The following CBY1 variants were observed in gnomAD, a reference collection of about 807,000 sequenced individuals.
The protein encoded by CBY1 is chibby 1, beta catenin antagonist.
CBY1 carries 10 observed loss-of-function variants against 15.6 expected under a neutral mutation model. The ratio of observed to expected loss-of-function variants is 0.64; its 90% CI spans 0.40 to 1.09. The LOEUF is 1.09. CBY1 is among the 50% of genes least tolerant of loss of function. CBY1 has a pLI of 0.01. For synonymous variants in CBY1, 61 were observed against 63.5 expected, an observed-to-expected ratio of 0.96 and a Z score of 0.19; for missense variants, 150 against 160.5, an observed-to-expected ratio of 0.93 and a Z score of 0.35.
In CBY1 at chr22:38,669,057, A is replaced by C. The variant is rs529370573; in HGVS notation, c.78+925A>C. On this transcript the variant is annotated intron_variant, in intron 2 of 4. Transcript: ENST00000216029. ...AGCGTAAGAGCAGCAGTGTGCTTAC[A>C]TGACGTCTGTCTCTGACCGTGACTT... Among the ~76,000 whole-genome samples, 349 of 152,302 alleles carry C rather than the reference A, an allele frequency of 2.3e-3. 1 individual carries two copies. Among genetic ancestry groups the C allele is most frequent in the African/African-American group, 7.9e-3 (329 of 41,574 alleles).
intron 1 of CBY1, among the ~76,000 whole-genome samples, chr22:38,665,896 A>G (rs8138757): frequency 0.29 from 44,729 of 151,734 alleles, 6,686 homozygotes; most frequent in East Asian, 0.36. Flanking sequence ...TTAGCTGGGC[A>G]TGGTGGCACA....
In CBY1 at chr22:38,673,368, A is replaced by G. The variant is rs746541066; in HGVS notation, c.*132A>G. The G allele has an allele frequency of 8.6e-5, 52 of 607,566 alleles. No homozygotes were observed. Among genetic ancestry groups the G allele is most frequent in the Non-Finnish European group, 1.5e-4 (49 of 327,690 alleles). 37.6% of individuals were successfully genotyped at this position (607,566 alleles called of 1,614,324 possible). A position where few individuals can be genotyped will look rare whatever the true frequency, so the allele number is the denominator to read the frequency against. On this transcript the variant is annotated 3_prime_UTR_variant, in exon 5 of 5. Transcript: ENST00000216029. ...AGGCACTGGCACCCTTGGGTTGGCA[A>G]TAGAAGGTGACATGGAATGGAGAAA...
intron 1 of CBY1, among the ~76,000 whole-genome samples, chr22:38,660,591 A>AC (rs1409348543): frequency 6.6e-6 from 1 of 151,630 alleles, no homozygotes; most frequent in African/African-American, 2.4e-5. Context: ...ATGTATATAC[A>AC]CGTATACCAT....
At chr22:38,660,339 C>T (rs1263282150) in intron 1 of CBY1, among the ~76,000 whole-genome samples, 1 of 151,826 alleles carries the variant, frequency 6.6e-6, no homozygotes, top group Non-Finnish European at 1.5e-5. Flanking sequence ...GGATTACAGG[C>T]TCATGCCACC....
intron 2 of CBY1, among the ~76,000 whole-genome samples, chr22:38,669,114 A>G (rs1330741935): frequency 6.6e-6 from 1 of 152,208 alleles, no homozygotes; most frequent in East Asian, 1.9e-4. Context: ...TGTTTTCCAC[A>G]TGCTGACAGG....
At chr22:38,669,430 A>ACTC (rs1460504850) in intron 2 of CBY1, among the ~76,000 whole-genome samples, 4 of 152,026 alleles carry the variant, frequency 2.6e-5, no homozygotes, top group African/African-American at 9.7e-5. Flanking sequence ...TGTGCCAGGC[A>ACTC]CTCTCCTAAG....
chr22:38,663,552 C>T (rs2092427566), intron 1 of CBY1, among the ~76,000 whole-genome samples: 2 of 148,468 alleles, frequency 1.3e-5, no homozygotes, highest in South Asian at 2.1e-4. Context: ...AAAAATTAGC[C>T]GGGCGTGGTG....
intron 2 of CBY1, 84 bp downstream of exon 2, chr22:38,668,216 A>G: frequency 1.2e-6 from 1 of 833,880 alleles, no homozygotes; most frequent in East Asian, 2.4e-5. Context: ...GTGGTCCTCC[A>G]GAGGCATCAG....
Position 38,670,933 on chromosome 22 carries a change from C to A in CBY1, c.128C>A (p.Pro43Gln), listed in dbSNP as rs749597763. 6.2e-7 allele frequency: 1 copy of A among 1,614,166 alleles called. No individual in the cohort carries two copies. The highest frequency in any genetic ancestry group is 8.5e-7 in the Non-Finnish European group (1 of 1,180,028). ...EVELGLEYGSPTMNLAGQSLK... is the reference protein window; with the variant it reads ...EVELGLEYGSQTMNLAGQSLK... ...GAGCTGGGCTTGGAATACGGATCCCCGACTATGAACCTGGCAGGGCAAAGC... is the reference window on the plus strand; with the variant it reads ...GAGCTGGGCTTGGAATACGGATCCCAGACTATGAACCTGGCAGGGCAAAGC... Residue 43 changes from proline (P) to glutamine (Q), a missense_variant, in exon 3 of 5, where the codon CCG becomes CAG. Coordinates refer to ENST00000216029, the MANE Select transcript of CBY1 (RefSeq NM_015373.4).
At chr22:38,666,637 A>C (rs2092437052) in intron 1 of CBY1, 1 of 152,192 alleles carries the variant, frequency 6.6e-6, no homozygotes, top group African/African-American at 2.4e-5. Flanking sequence ...ACTGGTGACA[A>C]GTGAGGAGCA....
chr22:38,668,134 T>A lies in CBY1; in HGVS notation c.78+2T>A. On this transcript the variant is annotated splice_donor_variant, in intron 2 of 4. Coordinates refer to ENST00000216029, the MANE Select transcript of CBY1 (RefSeq NM_015373.4). LOFTEE classifies it high-confidence loss of function. ...GCATCTCTCTCCAACCTGCATTCTG[T>A]GAGTGTCGGTACTGGGGTCGGCCGG... The A allele has an allele frequency of 6.3e-7, 1 of 1,579,404 alleles. No individual in the cohort carries two copies. The highest frequency in any genetic ancestry group is 8.7e-7 in the Non-Finnish European group (1 of 1,148,448).
intron 1 of CBY1, among the ~76,000 whole-genome samples, chr22:38,659,672 C>G (rs1449003730): frequency 6.6e-6 from 1 of 151,892 alleles, no homozygotes; most frequent in Non-Finnish European, 1.5e-5. Context: ...ACCATCCTGG[C>G]TAACACGGTG....
chr22:38,658,719 G>A (rs12160190), intron 1 of CBY1, among the ~76,000 whole-genome samples: 1 of 151,910 alleles, frequency 6.6e-6, no homozygotes, highest in African/African-American at 2.4e-5. Flanking sequence ...CTCGTGATCC[G>A]CCCGCCTCGG....
chr22:38,660,660 A>G (rs2092419819), intron 1 of CBY1, among the ~76,000 whole-genome samples: 1 of 151,786 alleles, frequency 6.6e-6, no homozygotes, highest in Non-Finnish European at 1.5e-5. Context: ...ACGCATATAC[A>G]CCTTCAGCCA....
chr22:38,663,697 CAAAAA>C (rs35974746), intron 1 of CBY1, among the ~76,000 whole-genome samples: 23 of 76,450 alleles, frequency 3.0e-4, no homozygotes, highest in African/African-American at 1.0e-3. Flanking sequence ...ACTCTGTCTC[CAAAAA>C]AAAAAAAAAA....
chr22:38,670,729 C>T, intron 2 of CBY1, 155 bp from the exon 3 acceptor site: 2 of 611,446 alleles, frequency 3.3e-6, no homozygotes, highest in East Asian at 2.7e-5. Context: ...TTTTCCTGTA[C>T]ATCATTTGAT....
At chr22:38,667,413 AC>A (rs930044179) in intron 1 of CBY1, among the ~76,000 whole-genome samples, 1 of 151,472 alleles carries the variant, frequency 6.6e-6, no homozygotes, top group Non-Finnish European at 1.5e-5. Context: ...GGCTCCAGCG[AC>A]CCCCCAGCCT....
intron 1 of CBY1, among the ~76,000 whole-genome samples, chr22:38,664,154 T>G (rs189089782): frequency 2.0e-5 from 3 of 151,518 alleles, no homozygotes; most frequent in Admixed American, 6.6e-5. Context: ...AAAATGAACA[T>G]GATAGACAGC....
intron 4 of CBY1, 116 bp from the exon 5 acceptor site, chr22:38,673,039 AAGCC>A (rs1345038640): frequency 1.5e-6 from 1 of 660,134 alleles, no homozygotes; most frequent in Non-Finnish European, 2.7e-6. Flanking sequence ...CCCATCGAGG[AAGCC>A]AGCAGCATCA....
Sources: allele counts gnomAD v4.1 joint callset (sites outside exome capture counted in the v4.1 genomes callset), GRCh38; gene constraint gnomAD v4.1.1; transcripts MANE v1.5; gene names NCBI Gene and HGNC (gene_info 2026-07-23, HGNC 2026-07-21).